The following SLC1A2 variants were observed in gnomAD, a reference collection of about 807,000 sequenced individuals.
SLC1A2 encodes excitatory amino acid transporter 2.
A neutral mutation model predicts 48.8 loss-of-function variants in SLC1A2; 15 were observed. That is an observed-to-expected ratio of 0.31 (90% CI 0.21 to 0.47). The LOEUF (loss-of-function observed/expected upper bound fraction) is 0.47, where lower values mean the gene tolerates loss of function less well. Among genes scored for constraint, SLC1A2 ranks in the 20% least tolerant of loss-of-function variants. SLC1A2 has a pLI of 0.99. For synonymous variants in SLC1A2, 279 were observed against 272.6 expected (o/e 1.02, Z -0.23); for missense variants, 502 against 730.5 (o/e 0.69, Z 3.61).
intron 1 of SLC1A2, among the ~76,000 whole-genome samples, chr11:35,403,094 A>T (rs1340280705): frequency 6.6e-6 from 1 of 152,232 alleles, no homozygotes; most frequent in Non-Finnish European, 1.5e-5. Flanking sequence ...AAGAAGAACA[A>T]TGACAATCAA....
Position 35,331,892 on chromosome 11 carries a change from A to G in SLC1A2, c.18-14376T>C, listed in dbSNP as rs575314434. Among the ~76,000 whole-genome samples the G allele has an allele frequency of 5.3e-5, 8 of 152,256 alleles. No homozygotes were observed. In the South Asian group the frequency reaches 1.0e-3, roughly 20 times the overall value. On this transcript the variant is annotated intron_variant, in intron 1 of 10. Transcript: ENST00000278379. The stretch of plus-strand genomic sequence containing the variant: ...CACTAGGCCTTAGACTCTGTGAAGG[A>G]AGGGCCATACATCTATCCCTGGGCC...
At chr11:35,360,641 C>T (rs1441337041) in intron 1 of SLC1A2, among the ~76,000 whole-genome samples, 2 of 152,140 alleles carry the variant, frequency 1.3e-5, no homozygotes, top group Non-Finnish European at 2.9e-5. Flanking sequence ...TTTCTTGATG[C>T]TTAAATTCTA....
At chr11:35,343,352 A>G (rs1852911929) in intron 1 of SLC1A2, among the ~76,000 whole-genome samples, 1 of 152,236 alleles carries the variant, frequency 6.6e-6, no homozygotes, top group Admixed American at 6.5e-5. Flanking sequence ...CACCAGCACC[A>G]TGACAGTTCC....
In SLC1A2 at chr11:35,255,987, A is replaced by G. The variant is rs1950310419; in HGVS notation, c.*4907T>C. On this transcript the variant is annotated 3_prime_UTR_variant, in exon 11 of 11. Transcript: ENST00000278379. ...TCAACTTAAAATGTAAATAGGTCAC[A>G]TTTTATAGTAGGAAGCCTCTTAAGA... The G allele has an allele frequency of 6.6e-6, 1 of 152,188 alleles. No homozygotes were observed. Among genetic ancestry groups the G allele is most frequent in the Non-Finnish European group, 1.5e-5 (1 of 68,026 alleles). The allele number at this position is 152,188 out of a possible 1,614,324, so 9.4% of individuals were successfully genotyped here.
chr11:35,322,623 G>C (rs935592283), intron 1 of SLC1A2: 2 of 1,535,184 alleles, frequency 1.3e-6, no homozygotes, highest in Non-Finnish European at 8.7e-7. Context: ...GATCTGGAGA[G>C]GTACTGGGGA....
intron 1 of SLC1A2, among the ~76,000 whole-genome samples, chr11:35,392,837 G>A (rs1191582419): frequency 6.6e-6 from 1 of 152,186 alleles, no homozygotes; most frequent in Non-Finnish European, 1.5e-5. Context: ...CTATTTGGAA[G>A]GTTTTATACA....
intron 1 of SLC1A2, among the ~76,000 whole-genome samples, chr11:35,321,271 T>A (rs146888033): frequency 6.6e-6 from 1 of 151,982 alleles, no homozygotes; most frequent in African/African-American, 2.4e-5. Context: ...CAATTCAAGA[T>A]GAGATTTGGG....
intron 1 of SLC1A2, among the ~76,000 whole-genome samples, chr11:35,329,756 G>A (rs1453526508): frequency 1.3e-5 from 2 of 152,116 alleles, no homozygotes; most frequent in African/African-American, 2.4e-5. Context: ...TAACCATCCC[G>A]CCGTTGGATA....
intron 1 of SLC1A2, among the ~76,000 whole-genome samples, chr11:35,333,430 A>G (rs1852499604): frequency 6.6e-6 from 1 of 151,624 alleles, no homozygotes; most frequent in Admixed American, 6.6e-5. Context: ...AAAAAAAAAA[A>G]AAGCAAAAAC....
At chr11:35,367,324 G>T (rs1319957789) in intron 1 of SLC1A2, among the ~76,000 whole-genome samples, 1 of 152,186 alleles carries the variant, frequency 6.6e-6, no homozygotes, top group African/African-American at 2.4e-5. Context: ...CCCAGAAATG[G>T]ATGAAATAAT....
chr11:35,275,116 C>T (rs984953400), intron 9 of SLC1A2, among the ~76,000 whole-genome samples: 11 of 152,114 alleles, frequency 7.2e-5, no homozygotes, highest in South Asian at 2.1e-4. Context: ...GGTGCATGCT[C>T]GAGTTTGAGA....
chr11:35,255,247 T>C lies in SLC1A2; in HGVS notation c.*5647A>G, dbSNP rs1224027202. ...GGGCCATTGCAGCAGTGCCAGAAAG[T>C]GCAAGAGGTTGTTTAAAGATCATGG... On this transcript the variant is annotated 3_prime_UTR_variant, in exon 11 of 11. Coordinates refer to ENST00000278379, the MANE Select transcript of SLC1A2 (RefSeq NM_004171.4). 2.4e-5 allele frequency: 4 copies of C among 168,640 alleles called. No individual in the cohort carries two copies. The highest frequency in any genetic ancestry group is 5.1e-5 in the Non-Finnish European group (4 of 78,068). 10.4% of individuals were successfully genotyped at this position (168,640 alleles called of 1,614,324 possible).
rs1057464884 is a variant in SLC1A2, at chr11:35,312,395, C to A, written c.364G>T (p.Val122Leu). 3 of 1,614,054 alleles carry A rather than the reference C, an allele frequency of 1.9e-6. No homozygotes were observed. The highest frequency in any genetic ancestry group is 2.5e-6 in the Non-Finnish European group (3 of 1,180,008). The change falls in exon 4 of 11, where the codon GTG becomes TTG. Residue 122 changes from valine to leucine, a missense_variant. Transcript: ENST00000278379. ...ATGATGGTCGTGGACATGTAATACA[C>A]CATGGCTCTCGTGCCCAAGCGGCCA... ...ASGRLGTRAM[V>L]YYMSTTIIAA...
At chr11:35,369,169 T>G (rs936695524) in intron 1 of SLC1A2, among the ~76,000 whole-genome samples, 1 of 152,180 alleles carries the variant, frequency 6.6e-6, no homozygotes, top group Non-Finnish European at 1.5e-5. Flanking sequence ...GTGGATAATA[T>G]GTGGGCAGCA....
chr11:35,331,252 T>C (rs1852415937), intron 1 of SLC1A2, among the ~76,000 whole-genome samples: 2 of 152,178 alleles, frequency 1.3e-5, no homozygotes, highest in Admixed American at 6.5e-5. Context: ...GCTAATCACG[T>C]GTTTAAAAGG....
chr11:35,297,009 G>A (rs1220871577), intron 6 of SLC1A2, among the ~76,000 whole-genome samples: 1 of 151,798 alleles, frequency 6.6e-6, no homozygotes, highest in East Asian at 1.9e-4. Flanking sequence ...ATCATTGCCT[G>A]CACAGAATAG....
chr11:35,273,346 G>A (rs1850338582), intron 9 of SLC1A2, among the ~76,000 whole-genome samples: 2 of 152,162 alleles, frequency 1.3e-5, no homozygotes, highest in African/African-American at 4.8e-5. Flanking sequence ...CTAAGAGCGT[G>A]AAGTCCGGAT....
At chr11:35,363,750 C>T (rs866298984) in intron 1 of SLC1A2, among the ~76,000 whole-genome samples, 5 of 152,142 alleles carry the variant, frequency 3.3e-5, no homozygotes, top group Admixed American at 6.6e-5. Flanking sequence ...GGAGCTAGGA[C>T]CTGAGCCAAA....
At chr11:35,370,768 C>G (rs1299124830) in intron 1 of SLC1A2, among the ~76,000 whole-genome samples, 1 of 152,124 alleles carries the variant, frequency 6.6e-6, no homozygotes, top group Non-Finnish European at 1.5e-5. Flanking sequence ...AACTGGATGG[C>G]AGAAAGTGAA....
Sources: allele counts gnomAD v4.1 joint callset (sites outside exome capture counted in the v4.1 genomes callset), GRCh38; gene constraint gnomAD v4.1.1; transcripts MANE v1.5; gene names NCBI Gene and HGNC (gene_info 2026-07-23, HGNC 2026-07-21).